Variants in ZNF385D observed in about 807,000 individuals in gnomAD.
The protein encoded by ZNF385D is zinc finger protein 385D, also known as zinc finger protein 659.
ZNF385D carries 15 observed loss-of-function variants against 35.8 expected under a neutral mutation model. The observed-to-expected ratio is 0.42, with a 90% CI of 0.28 to 0.64. ZNF385D has a LOEUF of 0.64. Among genes scored for constraint, ZNF385D ranks in the 30% least tolerant of loss-of-function variants. The pLI is 0.23. For synonymous variants in ZNF385D, 212 were observed against 186.8 expected (o/e 1.13, Z -1.10); for missense variants, 474 against 494.6 (o/e 0.96, Z 0.39).
chr3:21,774,256 C>T (rs542065803), intron 3 of ZNF385D, among the ~76,000 whole-genome samples: 119 of 151,294 alleles, frequency 7.9e-4, no homozygotes, highest in African/African-American at 2.4e-3. Flanking sequence ...ACAACACACA[C>T]GGGGGCCTGT....
At chr3:21,488,971 C>T (rs1310909015) in intron 4 of ZNF385D, among the ~76,000 whole-genome samples, 9 of 152,246 alleles carry the variant, frequency 5.9e-5, no homozygotes, top group African/African-American at 2.2e-4. Context: ...AAAGCCCTAG[C>T]AGGTAACGAG....
chr3:22,106,879 C>A (rs1336388996), intron 3 of ZNF385D, among the ~76,000 whole-genome samples: 1 of 152,138 alleles, frequency 6.6e-6, no homozygotes, highest in Non-Finnish European at 1.5e-5. Flanking sequence ...ACTCATTCTT[C>A]ATAAGAGTGG....
chr3:21,496,017 A>C (rs2125420153), intron 4 of ZNF385D, among the ~76,000 whole-genome samples: 1 of 152,070 alleles, frequency 6.6e-6, no homozygotes, highest in African/African-American at 2.4e-5. Flanking sequence ...GAATCCCTGA[A>C]AAAACCAATA....
intron 4 of ZNF385D, among the ~76,000 whole-genome samples, chr3:21,445,538 A>G (rs1254432901): frequency 6.6e-6 from 1 of 152,234 alleles, no homozygotes; most frequent in Non-Finnish European, 1.5e-5. Context: ...AGCCTAATTT[A>G]ATATCAAAGC....
intron 2 of ZNF385D, among the ~76,000 whole-genome samples, chr3:22,368,216 C>A (rs1423986162): frequency 6.6e-6 from 1 of 152,126 alleles, no homozygotes; most frequent in East Asian, 1.9e-4. Context: ...GGTCTCTATC[C>A]TATTCTAAAA....
At chr3:21,921,729 T>C (rs1456181421) in intron 3 of ZNF385D, among the ~76,000 whole-genome samples, 3 of 151,500 alleles carry the variant, frequency 2.0e-5, no homozygotes, top group African/African-American at 7.3e-5. Context: ...GCTCACAAAC[T>C]AGAAAATCTA....
intron 2 of ZNF385D, among the ~76,000 whole-genome samples, chr3:22,180,587 A>G (rs1171473488): frequency 1.3e-5 from 2 of 152,220 alleles, no homozygotes; most frequent in Non-Finnish European, 2.9e-5. Flanking sequence ...CTTATCCACC[A>G]TGATCAAGTG....
chr3:22,371,977 CTG>C (rs1213546783), intron 2 of ZNF385D, among the ~76,000 whole-genome samples: 1 of 152,150 alleles, frequency 6.6e-6, no homozygotes, highest in Non-Finnish European at 1.5e-5. Context: ...AGCTGTCCCG[CTG>C]TGTTTCTTTA....
intron 1 of ZNF385D, among the ~76,000 whole-genome samples, chr3:21,678,640 T>C (rs1324696273): frequency 6.6e-6 from 1 of 152,120 alleles, no homozygotes; most frequent in Non-Finnish European, 1.5e-5. Context: ...TTTTGTGCTT[T>C]TGAACGGACA....
At chr3:22,168,931 T>G (rs970782563) in exon 3 of ZNF385D, 1 of 985,780 alleles carries the variant, frequency 1.0e-6, no homozygotes, top group South Asian at 4.7e-5. Flanking sequence ...TTACATACAT[T>G]GCACAAAGTA....
At chr3:22,188,394 G>C (rs1005291863) in intron 2 of ZNF385D, among the ~76,000 whole-genome samples, 3 of 152,078 alleles carry the variant, frequency 2.0e-5, no homozygotes, top group South Asian at 2.1e-4. Context: ...CACTGATTCT[G>C]CTGTGTGTTT....
chr3:21,617,202 C>G (rs1019389516), intron 2 of ZNF385D, among the ~76,000 whole-genome samples: 2 of 152,176 alleles, frequency 1.3e-5, no homozygotes, highest in Non-Finnish European at 2.9e-5. Flanking sequence ...TAAGCTTACA[C>G]TTAATAAAAT....
intron 3 of ZNF385D, among the ~76,000 whole-genome samples, chr3:21,992,012 C>T (rs1189200400): frequency 6.6e-6 from 1 of 152,158 alleles, no homozygotes; most frequent in Non-Finnish European, 1.5e-5. Flanking sequence ...TAACTATTCT[C>T]TTTAGCATGC....
intron 3 of ZNF385D, among the ~76,000 whole-genome samples, chr3:21,888,209 T>G (rs992723270): frequency 6.6e-6 from 1 of 152,202 alleles, no homozygotes; most frequent in Non-Finnish European, 1.5e-5. Context: ...AAATGTTCAT[T>G]AGGTGGTTAA....
At chr3:22,048,485 G>A (rs566123313) in intron 3 of ZNF385D, among the ~76,000 whole-genome samples, 17 of 152,212 alleles carry the variant, frequency 1.1e-4, no homozygotes, top group East Asian at 5.8e-4. Context: ...TTCCCAGCCC[G>A]ATTTGTTGAA....
chr3:21,835,252 C>CAT (rs1695259429), intron 3 of ZNF385D, among the ~76,000 whole-genome samples: 2 of 149,814 alleles, frequency 1.3e-5, no homozygotes, highest in Non-Finnish European at 3.0e-5. Flanking sequence ...AGTTTGCTTA[C>CAT]TTTTTTTTTA....
chr3:22,123,944 CTCTCTCTCTCTCTCTCTCTATA>C (rs1263011170), intron 3 of ZNF385D, among the ~76,000 whole-genome samples: 1 of 100,174 alleles, frequency 1.0e-5, no homozygotes, highest in African/African-American at 3.7e-5. Flanking sequence ...CTCTCTCTCT[CTCTCTCTCTCTCTCTCTCTATA>C]TATATATATA....
chr3:21,773,041 G>A (rs987871728), intron 3 of ZNF385D, among the ~76,000 whole-genome samples: 1 of 151,792 alleles, frequency 6.6e-6, no homozygotes, highest in Admixed American at 6.6e-5. Flanking sequence ...GTGGTTGCTG[G>A]AGATGGGGGA....
intron 3 of ZNF385D, among the ~76,000 whole-genome samples, chr3:21,795,428 C>T (rs1268182052): frequency 1.3e-5 from 2 of 152,226 alleles, no homozygotes; most frequent in Non-Finnish European, 2.9e-5. Context: ...TTAGCGTCTG[C>T]TCCACTTTGG....
Sources: gnomAD v4.1 joint callset for allele counts (sites outside exome capture counted in the v4.1 genomes callset) on GRCh38, gnomAD v4.1.1 for gene constraint, MANE v1.5 for transcripts, NCBI Gene and HGNC (gene_info 2026-07-23, HGNC 2026-07-21) for gene names.